MOB3A: variants seen among roughly 807,000 people sequenced by gnomAD.
MOB3A encodes the protein MOB kinase activator 3A.
MOB3A carries 17 observed loss-of-function variants against 17.8 expected under a neutral mutation model. That is an observed-to-expected ratio of 0.95 (90% CI 0.65 to 1.43). The LOEUF (loss-of-function observed/expected upper bound fraction) is 1.43, where lower values mean the gene tolerates loss of function less well. Ranked by LOEUF, MOB3A falls within the 40% of genes most tolerant of loss-of-function variation. MOB3A has a pLI of 0.00. For missense variants in MOB3A, 333 were observed against 310.8 expected, an observed-to-expected ratio of 1.07 and a Z score of -0.54; for synonymous variants, 124 against 133.2, an observed-to-expected ratio of 0.93 and a Z score of 0.48.
chr19:2,086,597 A>C (rs2017556676), intron 1 of MOB3A, among the ~76,000 whole-genome samples: 1 of 151,650 alleles, frequency 6.6e-6, no homozygotes, highest in Non-Finnish European at 1.5e-5. Context: ...ACCTCAGGTG[A>C]TCTGCCCACC....
intron 4 of MOB3A, 35 bp downstream of exon 4, chr19:2,076,776 C>A (rs989755124): frequency 1.9e-6 from 3 of 1,605,230 alleles, no homozygotes; most frequent in Non-Finnish European, 2.6e-6. Flanking sequence ...CCAGCCCCAC[C>A]GTAACCGCAC....
chr19:2,080,436 A>G (rs189795440), intron 2 of MOB3A, among the ~76,000 whole-genome samples: 136 of 151,756 alleles, frequency 9.0e-4, no homozygotes, highest in African/African-American at 2.8e-3. Flanking sequence ...GGAGTGCAGT[A>G]GCGCGATCTC....
At chr19:2,075,263 C>T (rs758408185) in intron 4 of MOB3A, among the ~76,000 whole-genome samples, 18 of 152,076 alleles carry the variant, frequency 1.2e-4, no homozygotes, top group East Asian at 3.9e-4. Context: ...CTTCTGAGCT[C>T]GAGTGATTCT....
intron 3 of MOB3A, among the ~76,000 whole-genome samples, chr19:2,077,794 T>C (rs1384891042): frequency 6.6e-6 from 1 of 152,012 alleles, no homozygotes; most frequent in African/African-American, 2.4e-5. Flanking sequence ...AATCCTTTTT[T>C]TTTTTTTGAG....
At position 2,078,516 on chromosome 19, in the gene MOB3A, T is replaced by C. The variant is rs2017446828; in HGVS notation, c.45A>G (p.Thr15=). ...FLKQVFNKDK[T]FRPKRKFEPG... ...GCTCAAACTTGCGCTTGGGGCGGAA[T>C]GTCTTGTCCTTGTTGAAGACTTGCT... is the stretch of plus-strand genomic sequence containing the variant. The change falls in exon 3 of 5, where the codon ACA becomes ACG. Residue 15 remains threonine (T), a synonymous_variant. Transcript: ENST00000357066. 1 of 1,596,448 alleles carries C rather than the reference T, an allele frequency of 6.3e-7. No individual in the cohort carries two copies. Among genetic ancestry groups the C allele is most frequent in the African/African-American group, 1.3e-5 (1 of 74,502 alleles).
chr19:2,095,064 A>T (rs907898350), intron 1 of MOB3A, among the ~76,000 whole-genome samples: 1 of 152,276 alleles, frequency 6.6e-6, no homozygotes, highest in South Asian at 2.1e-4. Context: ...CCAGCTACTC[A>T]GGAGGCTGAG....
intron 2 of MOB3A, among the ~76,000 whole-genome samples, chr19:2,083,047 A>G (rs1042982870): frequency 6.6e-6 from 1 of 152,102 alleles, no homozygotes. Context: ...GGAGCTCACT[A>G]TGTTGCCTAG....
intron 2 of MOB3A, among the ~76,000 whole-genome samples, chr19:2,079,125 G>A (rs1407255818): frequency 6.6e-6 from 1 of 152,240 alleles, no homozygotes; most frequent in Non-Finnish European, 1.5e-5. Flanking sequence ...CTCCTCAGTG[G>A]ACAGAAGAGA....
intron 2 of MOB3A, among the ~76,000 whole-genome samples, chr19:2,081,088 C>A (rs1404133423): frequency 6.6e-6 from 1 of 151,804 alleles, no homozygotes; most frequent in Non-Finnish European, 1.5e-5. Context: ...GCCTCGAACC[C>A]CAGCCTGGGC....
chr19:2,080,526 T>A (rs1406841747), intron 2 of MOB3A, among the ~76,000 whole-genome samples: 2 of 152,070 alleles, frequency 1.3e-5, no homozygotes, highest in East Asian at 3.9e-4. Flanking sequence ...TACAGGCACG[T>A]GCAACCACAC....
intron 1 of MOB3A, among the ~76,000 whole-genome samples, chr19:2,090,764 C>T (rs939834825): frequency 2.0e-5 from 3 of 152,000 alleles, no homozygotes; most frequent in Admixed American, 6.5e-5. Flanking sequence ...ACTGGGTTCA[C>T]GCCATTCTCC....
chr19:2,078,310 G>C lies in MOB3A; in HGVS notation c.251C>G (p.Thr84Arg). 6.2e-7 allele frequency: 1 copy of C among 1,614,150 alleles called. No individual in the cohort carries two copies. The highest frequency in any genetic ancestry group is 1.1e-5 in the South Asian group (1 of 91,082). Residue 84 changes from threonine to arginine, a missense_variant, in exon 3 of 5, where the codon ACG becomes AGG. Transcript: ENST00000357066. ...CGACATGACGGGGCAGGACTGCTCC[G>C]TGCAGCCGTCGCTGATGGTGCCGTA... ...LIYGTISDGC[T>R]EQSCPVMSGG...
At chr19:2,085,482 T>C (rs1161795898) in intron 1 of MOB3A, 154 bp from the exon 2 acceptor site, 1 of 151,776 alleles carries the variant, frequency 6.6e-6, no homozygotes, top group Non-Finnish European at 1.5e-5. Context: ...CCCACTTCCT[T>C]CCGGAGGTTT....
intron 4 of MOB3A, among the ~76,000 whole-genome samples, chr19:2,076,356 C>T (rs893865566): frequency 6.6e-6 from 1 of 151,970 alleles, no homozygotes; most frequent in Non-Finnish European, 1.5e-5. Context: ...CACTTGAACT[C>T]GGGAGGCGGA....
At chr19:2,076,676 G>A (rs1480958786) in intron 4 of MOB3A, 135 bp downstream of exon 4, 1 of 823,706 alleles carries the variant, frequency 1.2e-6, no homozygotes, top group East Asian at 2.7e-5. Flanking sequence ...AGGGTCCCCG[G>A]GGCCCAACTC....
chr19:2,093,141 G>A lies in MOB3A; in HGVS notation c.-274+3085C>T, dbSNP rs1210150052. ...CCACCATCAGGTCCCTAAGGTGGGA[G>A]GATACCTCCTTGGAAGGGAATTTTT... On this transcript the variant is annotated intron_variant, in intron 1 of 4. Coordinates refer to ENST00000357066, the MANE Select transcript of MOB3A (RefSeq NM_130807.3). This position sits in a 1 kb window ranked among gnomAD's most constrained non-coding sequence, Gnocchi z 4.6. Among the ~76,000 whole-genome samples the A allele has an allele frequency of 6.6e-6, 1 of 152,224 alleles. No individual in the cohort carries two copies. Among genetic ancestry groups the A allele is most frequent in the African/African-American group, 2.4e-5 (1 of 41,542 alleles).
chr19:2,078,742 G>A (rs925642000), intron 2 of MOB3A, 63 bp from the exon 3 acceptor site: 50 of 591,642 alleles, frequency 8.5e-5, no homozygotes, highest in Non-Finnish European at 1.4e-4. Flanking sequence ...AACTCGTGCT[G>A]AGGGCACAAG....
intron 1 of MOB3A, among the ~76,000 whole-genome samples, chr19:2,090,696 C>CT: frequency 6.6e-6 from 1 of 152,186 alleles, no homozygotes; most frequent in East Asian, 1.9e-4. Context: ...CGGAGTCTCG[C>CT]TCTGTTGCCC....
intron 1 of MOB3A, among the ~76,000 whole-genome samples, chr19:2,086,884 C>T (rs1378428838): frequency 2.6e-5 from 4 of 152,118 alleles, no homozygotes; most frequent in South Asian, 2.1e-4. Flanking sequence ...CTTGACCTCC[C>T]GGGCTCAAGT....
Sources: allele counts gnomAD v4.1 joint callset (sites outside exome capture counted in the v4.1 genomes callset), GRCh38; gene constraint gnomAD v4.1.1; non-coding constraint Gnocchi (gnomAD v3.1); transcripts MANE v1.5; gene names NCBI Gene and HGNC (gene_info 2026-07-23, HGNC 2026-07-21).